The following RARB variants were observed in gnomAD, a reference collection of about 807,000 sequenced individuals.
The protein encoded by RARB is HBV-activated protein.
Under a neutral mutation model 51.9 loss-of-function variants are expected in RARB, and 17 were observed. The ratio of observed to expected loss-of-function variants is 0.33; its 90% CI spans 0.22 to 0.49. The LOEUF is 0.49. Among genes scored for constraint, RARB ranks in the 20% least tolerant of loss-of-function variants. The probability of loss-of-function intolerance (pLI) is 0.99; values close to 1 mark genes in which losing one functional copy is unlikely to be tolerated. For missense variants in RARB, 369 were observed against 550.8 expected (o/e 0.67, Z 3.30); for synonymous variants, 215 against 195.4 (o/e 1.10, Z -0.84).
At chr3:25,072,956 C>T (rs977220248) in intron 3 of RARB, among the ~76,000 whole-genome samples, 1 of 152,012 alleles carries the variant, frequency 6.6e-6, no homozygotes, top group African/African-American at 2.4e-5. Flanking sequence ...CCTCGGACTC[C>T]GAAAGTGCTG....
intron 2 of RARB, 29 bp from the exon 3 acceptor site, chr3:25,501,153 A>C (rs747119242): frequency 1.8e-5 from 28 of 1,557,860 alleles, no homozygotes; most frequent in Non-Finnish European, 2.2e-5. Context: ...TGCTTTACTG[A>C]GTTTTTTCAT....
At chr3:25,353,584 A>ATTTTTTT (rs3035062) in intron 5 of RARB, among the ~76,000 whole-genome samples, 1 of 144,914 alleles carries the variant, frequency 6.9e-6, no homozygotes, top group Non-Finnish European at 1.5e-5. Flanking sequence ...TGCTGCTGAG[A>ATTTTTTT]TTTTTTTTTT....
In RARB at chr3:25,461,238, C is replaced by A. The variant is rs368579350; in HGVS notation, c.203C>A (p.Pro68His). Residue 68 changes from proline to histidine, a missense_variant, in exon 2 of 8, where the codon CCC (proline) becomes CAC (histidine). By Grantham distance (77) the Pro-to-His change is moderately conservative. This residue lies in a region of RARB where 99 missense variants were observed against 95.1 expected (regional missense o/e 1.04). Coordinates refer to ENST00000330688, the MANE Select transcript of RARB (RefSeq NM_000965.5). ...AGCTCTGAGGAACTCGTCCCAAGCC[C>A]CCCATCTCCACTTCCTCCCCCTCGA... Reference protein sequence around the residue: ...STSSEELVPSPPSPLPPPRVY... With the variant: ...STSSEELVPSHPSPLPPPRVY... 6.2e-7 allele frequency: 1 copy of A among 1,613,866 alleles called. No homozygotes were observed. The highest frequency in any genetic ancestry group is 8.5e-7 in the Non-Finnish European group (1 of 1,179,978).
intron 5 of RARB, chr3:25,258,952 C>G (rs904522236): frequency 2.4e-6 from 2 of 817,722 alleles, no homozygotes; most frequent in African/African-American, 3.7e-5. Flanking sequence ...TTCAACACCA[C>G]CACACTGGGG....
intron 2 of RARB, among the ~76,000 whole-genome samples, chr3:24,960,189 C>T (rs1696107436): frequency 6.6e-6 from 1 of 152,112 alleles, no homozygotes; most frequent in Non-Finnish European, 1.5e-5. Context: ...GAGGAAAAAC[C>T]TCTAATACTT....
chr3:25,585,942 G>A (rs1267952135), intron 5 of RARB, among the ~76,000 whole-genome samples: 1 of 152,206 alleles, frequency 6.6e-6, no homozygotes, highest in Non-Finnish European at 1.5e-5. Flanking sequence ...AGCAGGGTCA[G>A]TGTGGAGCCA....
intron 2 of RARB, among the ~76,000 whole-genome samples, chr3:24,999,951 C>A (rs1408794035): frequency 2.0e-5 from 3 of 151,072 alleles, no homozygotes; most frequent in Non-Finnish European, 4.4e-5. Context: ...CACATTAATG[C>A]AAAAAAATAT....
chr3:25,072,855 C>T (rs1698796958), intron 3 of RARB, among the ~76,000 whole-genome samples: 1 of 152,026 alleles, frequency 6.6e-6, no homozygotes. Context: ...ACTACAGGCA[C>T]CCGCCACCAC....
At chr3:25,435,365 C>T (rs1222117133) in intron 1 of RARB, among the ~76,000 whole-genome samples, 1 of 152,112 alleles carries the variant, frequency 6.6e-6, no homozygotes, top group African/African-American at 2.4e-5. Context: ...TTCCCATTTC[C>T]AGAGCAAATG....
intron 3 of RARB, among the ~76,000 whole-genome samples, chr3:25,082,893 T>G (rs7430038): frequency 0.89 from 134,788 of 152,028 alleles, 60,091 homozygotes; most frequent in African/African-American, 0.97. Context: ...CTCTGAAAAC[T>G]TCTTAATATC....
intron 2 of RARB, among the ~76,000 whole-genome samples, chr3:24,997,959 C>A (rs1228837325): frequency 2.0e-5 from 3 of 151,982 alleles, no homozygotes; most frequent in Non-Finnish European, 2.9e-5. Flanking sequence ...TAAAGTATTT[C>A]TTTTATCATT....
At chr3:25,541,728 C>T (rs1017464810) in intron 3 of RARB, among the ~76,000 whole-genome samples, 22 of 152,184 alleles carry the variant, frequency 1.4e-4, no homozygotes, top group Admixed American at 9.8e-4. Context: ...TTGTGACATA[C>T]TGTGAATATG....
chr3:25,446,375 A>G (rs557950073), intron 1 of RARB, among the ~76,000 whole-genome samples: 1 of 152,332 alleles, frequency 6.6e-6, no homozygotes, highest in South Asian at 2.1e-4. Flanking sequence ...ACACCTATAC[A>G]TTTACATTTT....
At chr3:25,351,180 A>G (rs926293399) in intron 5 of RARB, among the ~76,000 whole-genome samples, 5 of 152,152 alleles carry the variant, frequency 3.3e-5, no homozygotes, top group African/African-American at 9.6e-5. Context: ...AGGCTTAACC[A>G]GGTAGTTTTT....
intron 2 of RARB, among the ~76,000 whole-genome samples, chr3:24,880,469 G>A (rs1430524201): frequency 6.6e-6 from 1 of 152,152 alleles, no homozygotes; most frequent in Non-Finnish European, 1.5e-5. Flanking sequence ...AAATATTCAA[G>A]TAGTTATGGT....
chr3:24,964,382 G>A (rs970659437), intron 2 of RARB, among the ~76,000 whole-genome samples: 1 of 152,030 alleles, frequency 6.6e-6, no homozygotes, highest in Admixed American at 6.6e-5. Context: ...ATCACATGAA[G>A]CATTAGCTTT....
chr3:25,454,336 C>G (rs939920078), intron 1 of RARB, among the ~76,000 whole-genome samples: 26 of 152,238 alleles, frequency 1.7e-4, no homozygotes, highest in Admixed American at 1.4e-3. Flanking sequence ...CAGATAGGCT[C>G]TCTTTGGTGC....
At position 25,131,159 on chromosome 3, in the gene RARB, A is replaced by T. The variant is rs371540731; in HGVS notation, c.-327-1002A>T. 4.6e-5 allele frequency among the ~76,000 whole-genome samples: 7 copies of T among 152,120 alleles called. No individual in the cohort carries two copies. In the East Asian group the frequency reaches 9.7e-4, roughly 21 times the overall value. Reference sequence around the variant, plus strand: ...CTTGAGATCTTAGGACATGCCCAGAAATCAAACCCAAAAGTTATGCAGAGT... The same window carrying T: ...CTTGAGATCTTAGGACATGCCCAGATATCAAACCCAAAAGTTATGCAGAGT... On this transcript the variant is annotated intron_variant, in intron 3 of 11. Transcript: ENST00000383772.
chr3:25,362,876 T>C (rs538281860), intron 5 of RARB, among the ~76,000 whole-genome samples: 1 of 152,332 alleles, frequency 6.6e-6, no homozygotes, highest in South Asian at 2.1e-4. Flanking sequence ...GCCTTCTGCG[T>C]TGGCCTCTCT....
Sources: gnomAD v4.1 joint callset for allele counts (sites outside exome capture counted in the v4.1 genomes callset) on GRCh38, gnomAD v4.1.1 for gene constraint, gnomAD v4.1.1 regional missense constraint, MANE v1.5 for transcripts, NCBI Gene and HGNC (gene_info 2026-07-23, HGNC 2026-07-21) for gene names.